KHDRBS2: variants seen among roughly 807,000 people sequenced by gnomAD.
KHDRBS2 encodes KH RNA binding domain containing, signal transduction associated 2, also known as KH domain-containing, RNA-binding, signal transduction-associated protein 2.
In KHDRBS2, 26 loss-of-function variants were observed where a neutral mutation model predicts 44.3. The ratio of observed to expected loss-of-function variants is 0.59; its 90% confidence interval spans 0.43 to 0.81. The LOEUF (loss-of-function observed/expected upper bound fraction) is 0.81, where lower values mean the gene tolerates loss of function less well. KHDRBS2 is among the 40% of genes least tolerant of loss of function. The probability of loss-of-function intolerance (pLI) is 0.00; values close to 1 mark genes in which losing one functional copy is unlikely to be tolerated. For synonymous variants in KHDRBS2, 194 were observed against 151.1 expected, an observed-to-expected ratio of 1.28 and a Z score of -2.08; for missense variants, 476 against 433.1, an observed-to-expected ratio of 1.10 and a Z score of -0.88.
At chr6:61,993,819 T>C (rs1776649374) in intron 3 of KHDRBS2, among the ~76,000 whole-genome samples, 1 of 151,864 alleles carries the variant, frequency 6.6e-6, no homozygotes, top group South Asian at 2.1e-4. Flanking sequence ...TATGAAGTTA[T>C]TTAAACCTTG....
chr6:61,825,600 T>C (rs1790719234), intron 6 of KHDRBS2, among the ~76,000 whole-genome samples: 1 of 152,174 alleles, frequency 6.6e-6, no homozygotes, highest in African/African-American at 2.4e-5. Context: ...AGAAAAATCA[T>C]TCCTTTTGAT....
intron 2 of KHDRBS2, among the ~76,000 whole-genome samples, chr6:62,079,935 C>G (rs1377901773): frequency 1.3e-5 from 2 of 151,972 alleles, no homozygotes; most frequent in African/African-American, 4.8e-5. Context: ...CATGGAGGTA[C>G]TGCAAGGCAG....
At chr6:61,943,111 A>AAAAGAAAAAAG (rs1382849188) in intron 4 of KHDRBS2, among the ~76,000 whole-genome samples, 2 of 96,274 alleles carry the variant, frequency 2.1e-5, no homozygotes, top group African/African-American at 6.9e-5. Context: ...AGAAAGAAAG[A>AAAAGAAAAAAG]AAAGAAAAAA....
chr6:62,164,392 A>C (rs1281507984), intron 2 of KHDRBS2, among the ~76,000 whole-genome samples: 1 of 151,906 alleles, frequency 6.6e-6, no homozygotes, highest in African/African-American at 2.4e-5. Context: ...TAGGAAAAAA[A>C]GCCTCTACAT....
At chr6:62,083,937 C>A (rs1797914701) in intron 2 of KHDRBS2, among the ~76,000 whole-genome samples, 1 of 152,114 alleles carries the variant, frequency 6.6e-6, no homozygotes, top group South Asian at 2.1e-4. Flanking sequence ...TGGATACCAT[C>A]AAGAAGGATG....
intron 2 of KHDRBS2, among the ~76,000 whole-genome samples, chr6:62,169,171 G>GTGTGTATATATACGTATACATATATGTA (rs1562991954): frequency 6.7e-5 from 9 of 134,470 alleles, no homozygotes; most frequent in South Asian, 2.3e-4. Context: ...ACACATATAT[G>GTGTGTATATATACGTATACATATATGTA]TATATATGTA....
intron 4 of KHDRBS2, among the ~76,000 whole-genome samples, chr6:61,970,662 T>A (rs1771183796): frequency 6.6e-6 from 1 of 152,162 alleles, no homozygotes; most frequent in Non-Finnish European, 1.5e-5. Flanking sequence ...ATCATTCACA[T>A]ACCCCAACAG....
the KHDRBS2 span, among the ~76,000 whole-genome samples, chr6:61,567,038 G>A: frequency 1.4e-3 from 209 of 152,316 alleles, 1 homozygote; most frequent in Middle Eastern, 0.01. Flanking sequence ...TCAGGGAGAA[G>A]GCTGGGGAAT....
At chr6:61,593,280 G>A in the KHDRBS2 span, among the ~76,000 whole-genome samples, 1 of 152,146 alleles carries the variant, frequency 6.6e-6, no homozygotes, top group South Asian at 2.1e-4. Flanking sequence ...AGGGCTTTAA[G>A]AGAAGCAGTT....
At chr6:62,188,566 A>T (rs1224153337) in intron 1 of KHDRBS2, among the ~76,000 whole-genome samples, 1 of 152,186 alleles carries the variant, frequency 6.6e-6, no homozygotes, top group Non-Finnish European at 1.5e-5. Flanking sequence ...CCTCTGAGAA[A>T]GTCATCCTTG....
chr6:61,647,294 G>C, the KHDRBS2 span, among the ~76,000 whole-genome samples: 1 of 151,854 alleles, frequency 6.6e-6, no homozygotes, highest in African/African-American at 2.4e-5. Context: ...AGTGTGTGAG[G>C]GTTTTCATAC....
intron 1 of KHDRBS2, among the ~76,000 whole-genome samples, chr6:62,275,343 C>T (rs9454825): frequency 0.11 from 17,435 of 152,056 alleles, 1,517 homozygotes; most frequent in African/African-American, 0.23. Context: ...CCCCCTTTTC[C>T]ACAAGGTCTT....
intron 2 of KHDRBS2, among the ~76,000 whole-genome samples, chr6:62,153,659 C>T (rs1562964761): frequency 6.6e-6 from 1 of 152,070 alleles, no homozygotes; most frequent in African/African-American, 2.4e-5. Context: ...CCTACTAGGG[C>T]CATGCTTACT....
chr6:62,231,011 A>C (rs1207214691), intron 1 of KHDRBS2, among the ~76,000 whole-genome samples: 1 of 152,192 alleles, frequency 6.6e-6, no homozygotes, highest in African/African-American at 2.4e-5. Context: ...TACACATTTG[A>C]GTTATTAAAC....
chr6:61,892,996 C>T (rs1159152035), intron 6 of KHDRBS2, among the ~76,000 whole-genome samples: 1 of 152,098 alleles, frequency 6.6e-6, no homozygotes, highest in Non-Finnish European at 1.5e-5. Context: ...TTTTCACAAC[C>T]TACTCATCTG....
chr6:61,614,495 A>G, the KHDRBS2 span, among the ~76,000 whole-genome samples: 1 of 152,268 alleles, frequency 6.6e-6, no homozygotes, highest in African/African-American at 2.4e-5. Flanking sequence ...ATTAAATTTA[A>G]TTGTTTTGTC....
chr6:61,632,984 C>G, the KHDRBS2 span, among the ~76,000 whole-genome samples: 3 of 152,048 alleles, frequency 2.0e-5, no homozygotes, highest in African/African-American at 7.2e-5. Flanking sequence ...CTACTTATAA[C>G]AAAATAAATT....
chr6:61,802,496 ATAT>A (rs1221571240), intron 6 of KHDRBS2, among the ~76,000 whole-genome samples: 7 of 152,282 alleles, frequency 4.6e-5, no homozygotes, highest in Admixed American at 3.9e-4. Flanking sequence ...TAATGTTTTC[ATAT>A]TATGGCAGTT....
chr6:61,717,802 G>A (rs994109515), intron 7 of KHDRBS2, among the ~76,000 whole-genome samples: 5 of 151,862 alleles, frequency 3.3e-5, no homozygotes, highest in Non-Finnish European at 7.4e-5. Flanking sequence ...AGTATCTTTT[G>A]GTCAGAACTT....
Sources: allele counts gnomAD v4.1 joint callset (sites outside exome capture counted in the v4.1 genomes callset), GRCh38; gene constraint gnomAD v4.1.1; transcripts MANE v1.5; gene names NCBI Gene and HGNC (gene_info 2026-07-23, HGNC 2026-07-21).